SUN3: variants seen among roughly 807,000 people sequenced by gnomAD.
SUN3 encodes the protein SUN domain-containing protein 3.
In SUN3, 36 loss-of-function variants were observed where a neutral mutation model predicts 48.2. The observed-to-expected ratio is 0.75, with a 90% CI of 0.57 to 0.99. SUN3 has a LOEUF of 0.99. SUN3 is among the 50% of genes least tolerant of loss of function. The pLI is 0.00. For synonymous variants in SUN3, 148 were observed against 147.9 expected (o/e 1.00, Z 0.00); for missense variants, 419 against 433.1 (o/e 0.97, Z 0.29).
At chr7:47,991,359 T>G (rs1181751554) in intron 8 of SUN3, among the ~76,000 whole-genome samples, 1 of 152,200 alleles carries the variant, frequency 6.6e-6, no homozygotes, top group Non-Finnish European at 1.5e-5. Flanking sequence ...TGTTCACCTT[T>G]CTGAGATGGA....
At chr7:48,011,205 C>A (rs1209721786) in intron 3 of SUN3, among the ~76,000 whole-genome samples, 1 of 152,190 alleles carries the variant, frequency 6.6e-6, no homozygotes, top group Non-Finnish European at 1.5e-5. Flanking sequence ...CTTTCAACCT[C>A]CTACAGTGAC....
In SUN3 at chr7:48,004,973, G is replaced by A. The variant is rs4615465; in HGVS notation, c.577+996C>T. 2.1e-3 allele frequency among the ~76,000 whole-genome samples: 325 copies of A among 152,292 alleles called. 2 individuals carry two copies. Among genetic ancestry groups the A allele is most frequent in the African/African-American group, 7.4e-3 (308 of 41,552 alleles). Reference sequence around the variant, plus strand: ...CTTTCTCTATCTTGGCCAAACCAGAGCTGACATTTGTTTCCACATCTATGG... The same window carrying A: ...CTTTCTCTATCTTGGCCAAACCAGAACTGACATTTGTTTCCACATCTATGG... On this transcript the variant is annotated intron_variant, in intron 6 of 9. Transcript: ENST00000297325.
chr7:48,023,508 G>C (rs917886886), intron 2 of SUN3, among the ~76,000 whole-genome samples: 2 of 151,850 alleles, frequency 1.3e-5, no homozygotes, highest in Non-Finnish European at 2.9e-5. Flanking sequence ...AGTAAAGAAG[G>C]AAATGAAGAA....
At chr7:48,026,581 A>AACACACAC (rs112192395) in intron 1 of SUN3, among the ~76,000 whole-genome samples, 2,165 of 145,712 alleles carry the variant, frequency 0.015, 64 homozygotes, top group African/African-American at 0.052. Flanking sequence ...CCCACCCCCC[A>AACACACAC]ACACACACAC....
At chr7:48,032,795 A>G (rs1428277829), upstream of SUN3, among the ~76,000 whole-genome samples, 1 of 147,364 alleles carries the variant, frequency 6.8e-6, no homozygotes, top group African/African-American at 2.6e-5. Flanking sequence ...TGAGATTGGA[A>G]CAGACAGTAA....
At chr7:48,016,336 A>G (rs1583773822) in intron 3 of SUN3, among the ~76,000 whole-genome samples, 2 of 152,320 alleles carry the variant, frequency 1.3e-5, no homozygotes, top group Admixed American at 1.3e-4. Context: ...ATAAAACTCC[A>G]GTATCCCACA....
chr7:47,995,932 ACT>A, intron 7 of SUN3, 97 bp downstream of exon 7: 1 of 637,744 alleles, frequency 1.6e-6, no homozygotes. Context: ...AAGTTCAGAC[ACT>A]CTTATATTGC....
intron 3 of SUN3, among the ~76,000 whole-genome samples, chr7:48,013,736 G>A (rs754872173): frequency 2.0e-5 from 3 of 152,126 alleles, no homozygotes; most frequent in Admixed American, 6.5e-5. Flanking sequence ...TGAGTGCAGC[G>A]TTTCATGCCT....
chr7:48,011,065 C>T (rs1161027840), intron 3 of SUN3, among the ~76,000 whole-genome samples: 1 of 152,124 alleles, frequency 6.6e-6, no homozygotes, highest in African/African-American at 2.4e-5. Context: ...TATTTAGGAC[C>T]CATCTGAGTA....
At chr7:47,995,294 G>A (rs1415693274) in intron 7 of SUN3, among the ~76,000 whole-genome samples, 4 of 151,726 alleles carry the variant, frequency 2.6e-5, no homozygotes, top group Non-Finnish European at 4.4e-5. Flanking sequence ...GGCGGTGATG[G>A]TGATGGACAT....
Position 48,028,978 on chromosome 7 carries a change from GC to G in SUN3, c.-41del. 2 of 1,612,538 alleles carry G rather than the reference GC, an allele frequency of 1.2e-6. No homozygotes were observed. The highest frequency in any genetic ancestry group is 1.7e-6 in the Non-Finnish European group (2 of 1,179,378). On this transcript the variant is annotated 5_prime_UTR_variant, in exon 1 of 10. An upstream open reading frame in the 5' UTR gains an earlier in-frame stop. Coordinates refer to ENST00000297325, the MANE Select transcript of SUN3 (RefSeq NM_001030019.2). ...GAACAAACAGCTGGTAGGATGAAGA[GC>G]AACATTTGTCCTCATTCCTATTTTA...
chr7:48,001,531 G>GTTTTTTTT (rs1166666161), intron 6 of SUN3, among the ~76,000 whole-genome samples: 39 of 110,498 alleles, frequency 3.5e-4, no homozygotes, highest in African/African-American at 1.3e-3. Context: ...TGTTTTTTTT[G>GTTTTTTTT]TTTTTTTTTT....
chr7:47,991,498 G>T (rs1365891975), intron 8 of SUN3, among the ~76,000 whole-genome samples: 2 of 151,050 alleles, frequency 1.3e-5, no homozygotes, highest in African/African-American at 2.4e-5. Flanking sequence ...TGACATATAA[G>T]GCAGGCTGTT....
At chr7:48,035,705 C>T in the SUN3 span, 1 of 588,188 alleles carries the variant, frequency 1.7e-6, no homozygotes, top group Non-Finnish European at 3.0e-6. The surrounding 1 kb of genome is among the most constrained non-coding windows in gnomAD (Gnocchi z 4.0). Context: ...GCGGAGCTCG[C>T]AGTGCGGGCA....
chr7:48,026,843 A>G (rs753656634), intron 1 of SUN3, among the ~76,000 whole-genome samples: 1 of 152,136 alleles, frequency 6.6e-6, no homozygotes, highest in African/African-American at 2.4e-5. Context: ...GCTAGAGACC[A>G]AATCAGCTGG....
chr7:47,996,209 TG>T (rs1283109011), intron 6 of SUN3, 63 bp from the exon 7 acceptor site: 2 of 934,756 alleles, frequency 2.1e-6, no homozygotes, highest in Non-Finnish European at 3.2e-6. Context: ...ACACATCATT[TG>T]AATTTTAACA....
At chr7:47,990,051 G>A (rs956737865) in intron 8 of SUN3, among the ~76,000 whole-genome samples, 2 of 152,178 alleles carry the variant, frequency 1.3e-5, no homozygotes, top group Non-Finnish European at 2.9e-5. Flanking sequence ...ATGGCCTCAC[G>A]GGAAGGGAAA....
At chr7:48,018,910 G>A (rs1168666067) in intron 2 of SUN3, among the ~76,000 whole-genome samples, 1 of 152,026 alleles carries the variant, frequency 6.6e-6, no homozygotes, top group East Asian at 1.9e-4. Context: ...AAAACTAAAG[G>A]AAACCATGGA....
chr7:47,989,000 T>A, intron 8 of SUN3, 120 bp from the exon 9 acceptor site: 1 of 607,564 alleles, frequency 1.6e-6, no homozygotes, highest in South Asian at 2.1e-5. Context: ...GCTGTGATCA[T>A]GCCAGTACTA....
Sources: allele counts gnomAD v4.1 joint callset (sites outside exome capture counted in the v4.1 genomes callset), GRCh38; gene constraint gnomAD v4.1.1; non-coding constraint Gnocchi (gnomAD v3.1); transcripts MANE v1.5; gene names NCBI Gene and HGNC (gene_info 2026-07-23, HGNC 2026-07-21).